PLEK: variants seen among roughly 807,000 people sequenced by gnomAD.
The protein encoded by PLEK is platelet 47 kDa protein.
In PLEK, 25 loss-of-function variants were observed where a neutral mutation model predicts 43.9. The ratio of observed to expected loss-of-function variants is 0.57; its 90% confidence interval spans 0.41 to 0.79. PLEK has a LOEUF of 0.79. PLEK is among the 30% of genes least tolerant of loss of function. PLEK has a pLI of 0.00. For synonymous variants in PLEK, 152 were observed against 144.4 expected (o/e 1.05, Z -0.38); for missense variants, 396 against 413.3 (o/e 0.96, Z 0.36).
chr2:68,371,619 A>C (rs928790086), intron 1 of PLEK, among the ~76,000 whole-genome samples: 12 of 152,228 alleles, frequency 7.9e-5, no homozygotes, highest in African/African-American at 2.9e-4. Context: ...GAGAGAATGA[A>C]GTTTAAAAAC....
chr2:68,380,606 C>T lies in PLEK; in HGVS notation c.199-117C>T, dbSNP rs368855244. On this transcript the variant is annotated intron_variant, in intron 2 of 8. Coordinates refer to ENST00000234313, the MANE Select transcript of PLEK (RefSeq NM_002664.3). ...CCCTCTCACCACCACCCACACCCCA[C>T]CCTGGCATTTGGGTTTCTCTTGGCT... 2.3e-4 allele frequency: 319 copies of T among 1,395,062 alleles called. No homozygotes were observed. In the Middle Eastern group the frequency reaches 9.4e-3, roughly 41 times the overall value. 86.4% of individuals were successfully genotyped at this position (1,395,062 alleles called of 1,614,324 possible).
At chr2:68,365,472 C>T in intron 1 of PLEK, 79 bp downstream of exon 1, 1 of 1,095,388 alleles carries the variant, frequency 9.1e-7, no homozygotes, top group Non-Finnish European at 1.4e-6. Flanking sequence ...CGGCTACCTG[C>T]TCATCTTAGG....
At chr2:68,389,552 G>A (rs1210208904) in intron 6 of PLEK, among the ~76,000 whole-genome samples, 1 of 152,198 alleles carries the variant, frequency 6.6e-6, no homozygotes, top group Non-Finnish European at 1.5e-5. Flanking sequence ...CTCTGGGCTG[G>A]GATAGCTGAA....
At chr2:68,386,832 C>T in intron 5 of PLEK, 146 bp downstream of exon 5, 2 of 609,340 alleles carry the variant, frequency 3.3e-6, no homozygotes, top group South Asian at 4.4e-5. Flanking sequence ...ATACCTGAAG[C>T]TCCCAGGCCC....
chr2:68,395,539 C>T, intron 8 of PLEK, 141 bp from the exon 9 acceptor site: 1 of 812,112 alleles, frequency 1.2e-6, no homozygotes, highest in Non-Finnish European at 2.1e-6. Flanking sequence ...ATAATCATAC[C>T]TTGTTTGTAT....
intron 1 of PLEK, 21 bp from the exon 2 acceptor site, chr2:68,380,307 C>G (rs1370114728): frequency 6.3e-7 from 1 of 1,595,062 alleles, no homozygotes; most frequent in East Asian, 2.2e-5. Context: ...TCCATCTCAG[C>G]TCTTTTGGTT....
chr2:68,391,056 C>T (rs746262414), intron 6 of PLEK, among the ~76,000 whole-genome samples: 1 of 152,162 alleles, frequency 6.6e-6, no homozygotes, highest in Non-Finnish European at 1.5e-5. Flanking sequence ...GCAATGAACA[C>T]TTGGGGAGCT....
chr2:68,389,828 C>T (rs547753295), intron 6 of PLEK, among the ~76,000 whole-genome samples: 52 of 152,168 alleles, frequency 3.4e-4, no homozygotes, highest in Admixed American at 9.8e-4. Flanking sequence ...GCTGCTTTCT[C>T]GTTGGTTTTG....
In PLEK at chr2:68,365,364, C is replaced by A. The variant is rs17035364; in HGVS notation, c.13C>A (p.Arg5=). Residue 5 remains arginine, a synonymous_variant, in exon 1 of 9, where the codon CGG becomes AGG. Transcript: ENST00000234313. ...CTGTCCAGCCAGCATGGAACCAAAG[C>A]GGATCAGAGAGGGCTACCTTGTGAA... MEPK[R]IREGYLVKKG... 1 of 1,613,600 alleles carries A rather than the reference C, an allele frequency of 6.2e-7. No homozygotes were observed. Among genetic ancestry groups the A allele is most frequent in the Non-Finnish European group, 8.5e-7 (1 of 1,179,636 alleles).
At chr2:68,376,695 A>G (rs570174282) in intron 1 of PLEK, among the ~76,000 whole-genome samples, 6 of 152,188 alleles carry the variant, frequency 3.9e-5, no homozygotes, top group Non-Finnish European at 8.8e-5. Flanking sequence ...TGATACAGGC[A>G]TGCAATGAGT....
At chr2:68,366,234 C>T (rs1673271903) in intron 1 of PLEK, among the ~76,000 whole-genome samples, 1 of 152,174 alleles carries the variant, frequency 6.6e-6, no homozygotes. Flanking sequence ...TAGTGCCTTC[C>T]TTCAGGTGCT....
At chr2:68,369,663 T>C (rs1256322920) in intron 1 of PLEK, among the ~76,000 whole-genome samples, 1 of 152,190 alleles carries the variant, frequency 6.6e-6, no homozygotes, top group Non-Finnish European at 1.5e-5. Flanking sequence ...TTATGTATAT[T>C]ATCTCATTTA....
At chr2:68,369,925 A>G (rs368169869) in intron 1 of PLEK, among the ~76,000 whole-genome samples, 52 of 152,368 alleles carry the variant, frequency 3.4e-4, no homozygotes, top group African/African-American at 1.2e-3. Flanking sequence ...TGTAAAAAAT[A>G]TGCTACTGAA....
intron 6 of PLEK, 60 bp from the exon 7 acceptor site, chr2:68,393,102 T>C (rs1673891969): frequency 3.1e-6 from 3 of 974,644 alleles, no homozygotes; most frequent in Non-Finnish European, 5.0e-6. Context: ...TAGGTATTGT[T>C]TGTACAGAGT....
chr2:68,382,922 C>A (rs1673657947), intron 4 of PLEK, among the ~76,000 whole-genome samples: 1 of 152,060 alleles, frequency 6.6e-6, no homozygotes, highest in African/African-American at 2.4e-5. Context: ...TTGAGACTTG[C>A]TAGAAATAGA....
chr2:68,388,735 A>G (rs994544835), intron 6 of PLEK, among the ~76,000 whole-genome samples: 9 of 49,686 alleles, frequency 1.8e-4, no homozygotes, highest in Non-Finnish European at 3.7e-4. Context: ...ATATCATAGG[A>G]AAAAAAAAGG....
In PLEK at chr2:68,388,384, C is replaced by T; in HGVS notation, c.658-3C>T. ...GTTAGCTTGCTGTTTGATTTTCCAA[C>T]AGCCAGACAGTGGGTTCTTCTGTGA... On this transcript the variant is annotated splice_region_variant and splice_polypyrimidine_tract_variant and intron_variant, in intron 5 of 8. Transcript: ENST00000234313. 6.3e-7 allele frequency: 1 copy of T among 1,587,168 alleles called. No homozygotes were observed. Among genetic ancestry groups the T allele is most frequent in the Admixed American group, 1.7e-5 (1 of 59,942 alleles).
Position 68,397,403 on chromosome 2 carries a change from T to C in PLEK, c.*1587T>C, listed in dbSNP as rs1186399476. On this transcript the variant is annotated 3_prime_UTR_variant, in exon 9 of 9. Coordinates refer to ENST00000234313, the MANE Select transcript of PLEK (RefSeq NM_002664.3). ...CACTCAGTGTTAAAGTATTTATTAA[T>C]GGGAAGTCAACTTAATGTTTTGAAA... is the stretch of plus-strand genomic sequence containing the variant. The C allele has an allele frequency of 6.6e-6, 1 of 152,240 alleles. No homozygotes were observed. Among genetic ancestry groups the C allele is most frequent in the Admixed American group, 6.5e-5 (1 of 15,286 alleles). 9.4% of individuals were successfully genotyped at this position (152,240 alleles called of 1,614,324 possible). A position where few individuals can be genotyped will look rare whatever the true frequency, so the allele number is the denominator to read the frequency against.
chr2:68,379,861 A>G (rs1402111931), intron 1 of PLEK, among the ~76,000 whole-genome samples: 2 of 152,210 alleles, frequency 1.3e-5, no homozygotes, highest in East Asian at 3.8e-4. Flanking sequence ...CTGATAATGT[A>G]ATTGCCATGG....
Sources: allele counts gnomAD v4.1 joint callset (sites outside exome capture counted in the v4.1 genomes callset), GRCh38; gene constraint gnomAD v4.1.1; transcripts MANE v1.5; gene names NCBI Gene and HGNC (gene_info 2026-07-23, HGNC 2026-07-21).